The following FN3KRP variants were observed in gnomAD, a reference collection of about 807,000 sequenced individuals.
FN3KRP encodes the protein fructosamine 3 kinase related protein.
In FN3KRP, 33 loss-of-function variants were observed where a neutral mutation model predicts 29.8. The ratio of observed to expected loss-of-function variants is 1.11; its 90% confidence interval spans 0.84 to 1.48. The LOEUF is 1.48. FN3KRP is among the 40% of genes most tolerant of loss of function. FN3KRP has a pLI of 0.00. For missense variants in FN3KRP, 430 were observed against 402.6 expected (o/e 1.07, Z -0.58); for synonymous variants, 157 against 155.2 (o/e 1.01, Z -0.09).
In FN3KRP at chr17:82,726,993, T is replaced by C. The variant is rs138192916; in HGVS notation, c.752T>C (p.Met251Thr). Residue 251 changes from methionine (M) to threonine (T), a missense_variant, in exon 6 of 6, where the codon ATG becomes ACG. Coordinates refer to ENST00000269373, the MANE Select transcript of FN3KRP (RefSeq NM_024619.4). ...HSEYELAIAG[M>T]FGGFSSSFYS... ...GAATATGAGCTGGCAATAGCTGGCA[T>C]GTTTGGGGGCTTTAGCAGCTCCTTT... 1.4e-4 allele frequency: 233 copies of C among 1,614,022 alleles called. 1 individual carries two copies. The highest frequency in any genetic ancestry group is 1.9e-4 in the Non-Finnish European group (223 of 1,180,022).
intron 4 of FN3KRP, among the ~76,000 whole-genome samples, chr17:82,723,632 T>C (rs780458807): frequency 2.6e-5 from 4 of 152,046 alleles, no homozygotes; most frequent in Admixed American, 6.6e-5. Context: ...TGTGTATGTG[T>C]GCACACGTGT....
At chr17:82,721,826 A>ATGTTT (rs947803796) in intron 3 of FN3KRP, among the ~76,000 whole-genome samples, 9 of 143,814 alleles carry the variant, frequency 6.3e-5, no homozygotes, top group Non-Finnish European at 9.1e-5. Flanking sequence ...TATGTTTTTT[A>ATGTTT]TGTTTTGTTT....
At chr17:82,726,396 C>G (rs2143620696) in intron 4 of FN3KRP, 84 bp from the exon 5 acceptor site, 5 of 1,538,030 alleles carry the variant, frequency 3.3e-6, no homozygotes, top group Non-Finnish European at 4.4e-6. Flanking sequence ...CAGCCCTCTC[C>G]ACTTTGAGAT....
At chr17:82,724,631 T>C (rs1335762623) in intron 4 of FN3KRP, among the ~76,000 whole-genome samples, 1 of 150,046 alleles carries the variant, frequency 6.7e-6, no homozygotes, top group Non-Finnish European at 1.5e-5. Context: ...AAGTAAAAAG[T>C]AAACTAAAAG....
Position 82,727,274 on chromosome 17 carries a change from T to A in FN3KRP, c.*103T>A, listed in dbSNP as rs2046845603. 1 of 1,010,822 alleles carries A rather than the reference T, an allele frequency of 9.9e-7. No homozygotes were observed. The highest frequency in any genetic ancestry group is 1.5e-6 in the Non-Finnish European group (1 of 677,830). 62.6% of individuals were successfully genotyped at this position (1,010,822 alleles called of 1,614,324 possible). A position where few individuals can be genotyped will look rare whatever the true frequency, so the allele number is the denominator to read the frequency against. On this transcript the variant is annotated 3_prime_UTR_variant, in exon 6 of 6. Transcript: ENST00000269373. ...CTGGACTAGCTTAAGACCAATGCAG[T>A]AGCTTATTTCCAAGCCTTGCAAAGT... is the stretch of plus-strand genomic sequence containing the variant.
chr17:82,725,639 A>G (rs2143619259), intron 4 of FN3KRP, among the ~76,000 whole-genome samples: 1 of 152,204 alleles, frequency 6.6e-6, no homozygotes, highest in Non-Finnish European at 1.5e-5. Context: ...TAGTACAAGC[A>G]TGAGCCACCA....
intron 4 of FN3KRP, among the ~76,000 whole-genome samples, chr17:82,723,497 GTGTGTGTGTGCA>G (rs1037732968): frequency 1.9e-5 from 2 of 107,520 alleles, no homozygotes; most frequent in African/African-American, 6.2e-5. Context: ...TGTACTCACA[GTGTGTGTGTGCA>G]TGTGTGTGTG....
At position 82,727,567 on chromosome 17, in the gene FN3KRP, C is replaced by T. The variant is rs1206100961; in HGVS notation, c.*396C>T. On this transcript the variant is annotated 3_prime_UTR_variant, in exon 6 of 6. Transcript: ENST00000269373. ...ACCTTTCCACTGCCTCCTCCCTGCT[C>T]TCCTGTGCAGGAATGTCTCTGAGCT... is the stretch of plus-strand genomic sequence containing the variant. The T allele has an allele frequency of 5.4e-6, 1 of 184,788 alleles. No individual in the cohort carries two copies. Among genetic ancestry groups the T allele is most frequent in the African/African-American group, 2.3e-5 (1 of 42,680 alleles). The allele number at this position is 184,788 out of a possible 1,614,324, so 11.4% of individuals were successfully genotyped here.
intron 1 of FN3KRP, chr17:82,718,621 G>C (rs2046776445): frequency 8.5e-7 from 1 of 1,174,280 alleles, no homozygotes; most frequent in Non-Finnish European, 1.1e-6. Context: ...TGGAATATTA[G>C]TGCCTTCGAT....
chr17:82,726,800 C>T lies in FN3KRP; in HGVS notation c.592-33C>T, dbSNP rs1202400757. 6 of 1,518,836 alleles carry T rather than the reference C, an allele frequency of 4.0e-6. No homozygotes were observed. In the South Asian group the frequency reaches 8.0e-5, roughly 20 times the overall value. 94.1% of individuals were successfully genotyped at this position (1,518,836 alleles called of 1,614,324 possible). On this transcript the variant is annotated intron_variant, in intron 5 of 5. Coordinates refer to ENST00000269373, the MANE Select transcript of FN3KRP (RefSeq NM_024619.4). ...CGGCGCCCCTCATGCACGCGTTGAT[C>T]AATTTGCTGAGGCTCCATTTTCCTC... is the stretch of plus-strand genomic sequence containing the variant.
chr17:82,718,521 C>T, intron 1 of FN3KRP: 1 of 1,008,752 alleles, frequency 9.9e-7, no homozygotes, highest in Non-Finnish European at 1.2e-6. Context: ...AGTCTGTGTC[C>T]TGTAGGTGGA....
At chr17:82,717,470 A>T (rs902821639) in intron 1 of FN3KRP, among the ~76,000 whole-genome samples, 3 of 152,144 alleles carry the variant, frequency 2.0e-5, no homozygotes, top group African/African-American at 7.2e-5. Context: ...CTGTAATCCC[A>T]GCACTTTGGG....
chr17:82,720,035 G>A (rs571084392), intron 2 of FN3KRP, among the ~76,000 whole-genome samples: 5 of 149,664 alleles, frequency 3.3e-5, no homozygotes, highest in Non-Finnish European at 7.4e-5. Context: ...GCATGGTGGC[G>A]GGCACCAGTA....
chr17:82,722,716 G>C, intron 3 of FN3KRP, 88 bp from the exon 4 acceptor site: 1 of 1,317,308 alleles, frequency 7.6e-7, no homozygotes, highest in Admixed American at 1.8e-5. Flanking sequence ...GGAGCTCGCT[G>C]AGGTCGTGTC....
intron 4 of FN3KRP, among the ~76,000 whole-genome samples, chr17:82,724,925 C>T (rs2046826802): frequency 6.6e-6 from 1 of 151,830 alleles, no homozygotes; most frequent in Non-Finnish European, 1.5e-5. Flanking sequence ...TCTTCTGCCT[C>T]AGCCTCCTGA....
intron 3 of FN3KRP, among the ~76,000 whole-genome samples, chr17:82,722,277 G>T (rs959450414): frequency 2.0e-5 from 3 of 152,202 alleles, no homozygotes; most frequent in Non-Finnish European, 4.4e-5. Context: ...TGGGATTATA[G>T]GCGCCTGCCA....
chr17:82,724,840 G>A lies in FN3KRP; in HGVS notation c.469-1640G>A, dbSNP rs866531599. ...AATTTTTTTTTTGAGATGGAGTCTCGCTCTGTCACCCAGGCTGGAGTGCAG... is the reference window on the plus strand; with the variant it reads ...AATTTTTTTTTTGAGATGGAGTCTCACTCTGTCACCCAGGCTGGAGTGCAG... On this transcript the variant is annotated intron_variant, in intron 4 of 5. Transcript: ENST00000269373. Among the ~76,000 whole-genome samples the A allele has an allele frequency of 6.8e-4, 103 of 151,772 alleles. 2 individuals carry two copies. The highest frequency in any genetic ancestry group is 2.5e-4 in the Non-Finnish European group (17 of 67,912).
intron 4 of FN3KRP, among the ~76,000 whole-genome samples, chr17:82,724,210 C>G (rs1302377949): frequency 6.6e-6 from 1 of 152,040 alleles, no homozygotes; most frequent in South Asian, 2.1e-4. Context: ...GGGAGGATTG[C>G]TTAAGCCTGG....
In FN3KRP at chr17:82,726,951, C is replaced by T; in HGVS notation, c.710C>T (p.Ser237Phe). 6.2e-7 allele frequency: 1 copy of T among 1,613,592 alleles called. No homozygotes were observed. Among genetic ancestry groups the T allele is most frequent in the Non-Finnish European group, 8.5e-7 (1 of 1,179,768 alleles). ...GGGCCGGTGATTTTTGACCCAGCTT[C>T]TTTCTACGGCCACTCGGAATATGAG... is the stretch of plus-strand genomic sequence containing the variant. The part of the protein sequence containing the change: ...SSGPVIFDPA[S>F]FYGHSEYELA... Residue 237 changes from serine to phenylalanine, a missense_variant, in exon 6 of 6, where the codon TCT (serine) becomes TTT (phenylalanine). By Grantham distance (155) the Ser-to-Phe change is radical. Transcript: ENST00000269373.
Sources: allele counts gnomAD v4.1 joint callset (sites outside exome capture counted in the v4.1 genomes callset), GRCh38; gene constraint gnomAD v4.1.1; transcripts MANE v1.5; gene names NCBI Gene and HGNC (gene_info 2026-07-23, HGNC 2026-07-21).